Variants in NDUFA11 observed in about 807,000 individuals in gnomAD.
NDUFA11 encodes the protein NADH dehydrogenase [ubiquinone] 1 alpha subcomplex subunit 11.
A neutral mutation model predicts 11.3 loss-of-function variants in NDUFA11; 14 were observed. The observed-to-expected ratio is 1.24, with a 90% confidence interval of 0.82 to 1.94. The LOEUF (loss-of-function observed/expected upper bound fraction) is 1.94, where lower values mean the gene tolerates loss of function less well. Ranked by LOEUF, NDUFA11 falls within the 30% of genes most tolerant of loss-of-function variation. The pLI is 0.00. For synonymous variants in NDUFA11, 87 were observed against 85.6 expected (o/e 1.02, Z -0.09); for missense variants, 204 against 200.3 (o/e 1.02, Z -0.11).
chr19:5,899,235 C>T (rs1358059833), intron 1 of NDUFA11, among the ~76,000 whole-genome samples: 5 of 150,612 alleles, frequency 3.3e-5, no homozygotes, highest in African/African-American at 9.8e-5. Context: ...CTGCAAGCCC[C>T]GCCTCCTGGG....
At chr19:5,901,256 A>G (rs1173367518) in intron 1 of NDUFA11, 1 of 1,197,204 alleles carries the variant, frequency 8.4e-7, no homozygotes, top group Non-Finnish European at 1.1e-6. Flanking sequence ...ACACCAACAT[A>G]CGCGTCTTTC....
rs562935750 is a variant in NDUFA11, at chr19:5,896,990, G to A, written c.105C>T (p.Thr35=). ...TTSIASVAGL[T]AAAYRVTLNP... ...TGAGTGTGACTCTGTAGGCAGCGGC[G>A]GTCAGGCCTGCGAGACAGAGGAGGG... is the stretch of plus-strand genomic sequence containing the variant. The change falls in exon 2 of 4, where the codon ACC becomes ACT. Residue 35 remains threonine (T), a synonymous_variant. Coordinates refer to ENST00000308961, the MANE Select transcript of NDUFA11 (RefSeq NM_175614.5). This position sits in a 1 kb window ranked among gnomAD's most constrained non-coding sequence, Gnocchi z 5.8. The A allele has an allele frequency of 2.3e-5, 37 of 1,613,906 alleles. No homozygotes were observed. Among genetic ancestry groups the A allele is most frequent in the African/African-American group, 1.5e-4 (11 of 75,014 alleles).
rs1479723979 is a variant in NDUFA11 at position 5,896,471 on chromosome 19, G to A, written c.295C>T (p.Leu99=). The change falls in exon 3 of 4, where the codon CTG becomes TTG. Residue 99 remains leucine, a synonymous_variant. Transcript: ENST00000308961. This position sits in a 1 kb window ranked among gnomAD's most constrained non-coding sequence, Gnocchi z 5.8. The stretch of plus-strand genomic sequence containing the variant: ...CACTCACTGCGTGCTCCCAGAGTCA[G>A]GCCTCCGGCGCAGCCACCGAGGAAG... The part of the protein sequence containing the change: ...NYFLGGCAGG[L]TLGARTHNYG... 10 of 1,572,944 alleles carry A rather than the reference G, an allele frequency of 6.4e-6. No homozygotes were observed. The highest frequency in any genetic ancestry group is 8.6e-6 in the Non-Finnish European group (10 of 1,159,550).
At chr19:5,897,629 G>A (rs924414463) in intron 1 of NDUFA11, among the ~76,000 whole-genome samples, 1 of 152,128 alleles carries the variant, frequency 6.6e-6, no homozygotes, top group Non-Finnish European at 1.5e-5. Context: ...TGCCGCCCCC[G>A]CCACCCAGCC....
intron 3 of NDUFA11, chr19:5,895,309 T>G: frequency 5.8e-6 from 1 of 173,904 alleles, no homozygotes; most frequent in Non-Finnish European, 1.2e-5. Flanking sequence ...CTCCGAAGCC[T>G]CCGGGCCAGA....
Position 5,894,815 on chromosome 19 carries a change from A to G in NDUFA11, c.353T>C (p.Phe118Ser). 1 of 1,613,274 alleles carries G rather than the reference A, an allele frequency of 6.2e-7. No individual in the cohort carries two copies. Among genetic ancestry groups the G allele is most frequent in the Non-Finnish European group, 8.5e-7 (1 of 1,179,652 alleles). ...CTTGACCAGGGAGGCCGCTATGCCA[A>G]AGTACACGCAGGCGGCGGCGCCAAT... is the stretch of plus-strand genomic sequence containing the variant. ...YGIGAAACVY[F>S]GIAASLVKMG... Residue 118 changes from phenylalanine (F) to serine (S), a missense_variant, in exon 4 of 4, where the codon TTT becomes TCT. Physicochemically the swap from Phe to Ser is radical, Grantham distance 155. Transcript: ENST00000308961.
Position 5,896,151 on chromosome 19 carries a change from T to C in NDUFA11, c.313+302A>G, listed in dbSNP as rs542510109. ...GGGAACAGCATTCCACGCAGTGCAC[T>C]GCCCATGCAAAGGCCCTGGGGCAGG... On this transcript the variant is annotated intron_variant, in intron 3 of 3. Transcript: ENST00000308961. The surrounding 1 kb of genome is among the most constrained non-coding windows in gnomAD (Gnocchi z 5.8). 1.0e-5 allele frequency: 6 copies of C among 583,900 alleles called. No individual in the cohort carries two copies. In the East Asian group the frequency reaches 1.7e-4, roughly 17 times the overall value. 36.2% of individuals were successfully genotyped at this position (583,900 alleles called of 1,614,324 possible). A position where few individuals can be genotyped will look rare whatever the true frequency, so the allele number is the denominator to read the frequency against.
Position 5,896,238 on chromosome 19 carries a change from G to A in NDUFA11, c.313+215C>T. 1.6e-6 allele frequency: 1 copy of A among 608,316 alleles called. No homozygotes were observed. 37.7% of individuals were successfully genotyped at this position (608,316 alleles called of 1,614,324 possible). ...CCGTGTGGCTGGAGCAGAGTGAGGA[G>A]GGGAGGGTGGGGAGGGGACAGGGCA... On this transcript the variant is annotated intron_variant, in intron 3 of 3. Transcript: ENST00000308961. This position sits in a 1 kb window ranked among gnomAD's most constrained non-coding sequence, Gnocchi z 5.8.
At chr19:5,894,647 C>T (rs1482878682), downstream of NDUFA11, 2 of 1,549,370 alleles carry the variant, frequency 1.3e-6, no homozygotes, top group African/African-American at 2.7e-5. Flanking sequence ...TGCTGTGTCG[C>T]CGTCATCAAG....
At chr19:5,898,587 TGGA>T (rs1441601926) in intron 1 of NDUFA11, among the ~76,000 whole-genome samples, 1 of 152,148 alleles carries the variant, frequency 6.6e-6, no homozygotes, top group Non-Finnish European at 1.5e-5. Context: ...GAAAGGTGGA[TGGA>T]GGACCAGGCG....
downstream of NDUFA11, chr19:5,894,555 G>A (rs533239926): frequency 1.9e-5 from 23 of 1,232,050 alleles, no homozygotes; most frequent in South Asian, 2.1e-4. Flanking sequence ...TGGCAGGGAC[G>A]GCAGGCGGCA....
chr19:5,897,163 TTG>T (rs2057615649), intron 1 of NDUFA11, among the ~76,000 whole-genome samples, 166 bp from the exon 2 acceptor site: 1 of 152,150 alleles, frequency 6.6e-6, no homozygotes, highest in African/African-American at 2.4e-5. Context: ...GAACTCGGGT[TTG>T]CTGCTCCAAA....
At chr19:5,894,876 G>A (rs1291352246) in intron 3 of NDUFA11, 22 bp from the exon 4 acceptor site, 2 of 1,579,052 alleles carry the variant, frequency 1.3e-6, no homozygotes, top group Non-Finnish European at 1.7e-6. Flanking sequence ...GGGAGGTGAT[G>A]TCAGGCCCGG....
chr19:5,892,842 C>T (rs1368629734), downstream of NDUFA11: 1 of 1,392,294 alleles, frequency 7.2e-7, no homozygotes, highest in African/African-American at 1.4e-5. Flanking sequence ...TCTGAGGGGC[C>T]CTTATTCCCA....
At chr19:5,893,112 G>A (rs748145538), downstream of NDUFA11, 170 of 1,535,972 alleles carry the variant, frequency 1.1e-4, no homozygotes, top group Admixed American at 2.0e-4. The surrounding 1 kb of genome is among the most constrained non-coding windows in gnomAD (Gnocchi z 4.1). Flanking sequence ...TGGAACACGC[G>A]TGGACATCTG....
At position 5,897,012 on chromosome 19, in the gene NDUFA11, A is replaced by G; in HGVS notation, c.98-15T>C. The G allele has an allele frequency of 6.8e-6, 11 of 1,609,990 alleles. No individual in the cohort carries two copies. The highest frequency in any genetic ancestry group is 8.5e-6 in the Non-Finnish European group (10 of 1,176,418). On this transcript the variant is annotated splice_polypyrimidine_tract_variant and intron_variant, in intron 1 of 3. Coordinates refer to ENST00000308961, the MANE Select transcript of NDUFA11 (RefSeq NM_175614.5). ...GGCGGTCAGGCCTGCGAGACAGAGG[A>G]GGGAGGCTGTTCAGACCCCACTGCT...
chr19:5,894,705 G>A lies in NDUFA11; in HGVS notation c.*37C>T, dbSNP rs372606393. The A allele has an allele frequency of 3.1e-6, 5 of 1,605,396 alleles. No individual in the cohort carries two copies. In the South Asian group the frequency reaches 3.3e-5, roughly 11 times the overall value. On this transcript the variant is annotated 3_prime_UTR_variant, in exon 4 of 4. Transcript: ENST00000308961. ...ACAGACACAGAATTTATTTCTGGACGCATTCTGCAGGCTGGAGGTCCCGGC... is the reference window on the plus strand; with the variant it reads ...ACAGACACAGAATTTATTTCTGGACACATTCTGCAGGCTGGAGGTCCCGGC...
chr19:5,903,762 G>T lies in NDUFA11; in HGVS notation c.-54C>A. On this transcript the variant is annotated 5_prime_UTR_variant, in exon 1 of 4. Transcript: ENST00000308961. ...ACCCCGCCAGCTCGGGAAGCGCAAG[G>T]GCAGCCGCGGCTGGCTATCGCGAGA... 1 of 1,526,788 alleles carries T rather than the reference G, an allele frequency of 6.5e-7. No homozygotes were observed. Among genetic ancestry groups the T allele is most frequent in the South Asian group, 1.2e-5 (1 of 83,562 alleles). 94.6% of individuals were successfully genotyped at this position (1,526,788 alleles called of 1,614,324 possible). A position where few individuals can be genotyped will look rare whatever the true frequency, so the allele number is the denominator to read the frequency against.
downstream of NDUFA11, chr19:5,893,025 T>C (rs1287653511): frequency 6.5e-7 from 1 of 1,535,100 alleles, no homozygotes. The surrounding 1 kb of genome is among the most constrained non-coding windows in gnomAD (Gnocchi z 4.1). Flanking sequence ...GTCCGCCCTT[T>C]CTCAGGGAGC....
Sources: gnomAD v4.1 joint callset for allele counts (sites outside exome capture counted in the v4.1 genomes callset) on GRCh38, gnomAD v4.1.1 for gene constraint, Gnocchi (gnomAD v3.1) non-coding constraint, MANE v1.5 for transcripts, NCBI Gene and HGNC (gene_info 2026-07-23, HGNC 2026-07-21) for gene names.